The following SYT12 variants were observed in gnomAD, a reference collection of about 807,000 sequenced individuals.
The protein encoded by SYT12 is synaptotagmin 12.
In SYT12, 27 loss-of-function variants were observed where a neutral mutation model predicts 39.5. That is an observed-to-expected ratio of 0.68 (90% CI 0.50 to 0.94). The LOEUF (loss-of-function observed/expected upper bound fraction) is 0.94, where lower values mean the gene tolerates loss of function less well. Among genes scored for constraint, SYT12 ranks in the 40% least tolerant of loss-of-function variants. The probability of loss-of-function intolerance (pLI) is 0.00; values close to 1 mark genes in which losing one functional copy is unlikely to be tolerated. For missense variants in SYT12, 536 were observed against 572.6 expected (o/e 0.94, Z 0.65); for synonymous variants, 233 against 239.7 (o/e 0.97, Z 0.26).
chr11:67,037,694 A>T (rs200635730), intron 3 of SYT12, among the ~76,000 whole-genome samples: 2 of 152,002 alleles, frequency 1.3e-5, no homozygotes, highest in Non-Finnish European at 2.9e-5. Context: ...CAGCCTGACC[A>T]ACATGGAGAA....
chr11:67,036,946 G>A (rs1255569493), intron 3 of SYT12, among the ~76,000 whole-genome samples: 2 of 152,212 alleles, frequency 1.3e-5, no homozygotes, highest in Admixed American at 6.5e-5. Flanking sequence ...GGTGGCGCAT[G>A]CCTGTAATCC....
At chr11:67,047,057 TG>T (rs1854575896) in intron 7 of SYT12, among the ~76,000 whole-genome samples, 1 of 151,030 alleles carries the variant, frequency 6.6e-6, no homozygotes, top group African/African-American at 2.4e-5. Context: ...CTCCGCCTCC[TG>T]GGTTCAAATG....
Position 67,049,011 on chromosome 11 carries a change from C to T in SYT12, c.*254C>T. 2 of 407,558 alleles carry T rather than the reference C, an allele frequency of 4.9e-6. No homozygotes were observed. The highest frequency in any genetic ancestry group is 4.4e-6 in the Non-Finnish European group (1 of 226,594). 25.2% of individuals were successfully genotyped at this position (407,558 alleles called of 1,614,324 possible). ...CCAGGACAGAGGACTCAACCCTGCT[C>T]CTCCCGGTAGGCCAGCTGCCGAGCT... On this transcript the variant is annotated 3_prime_UTR_variant, in exon 8 of 8. Coordinates refer to ENST00000527043, the MANE Select transcript of SYT12 (RefSeq NM_177963.4).
chr11:67,035,790 TTTCCTTCC>T (rs1172307451), intron 3 of SYT12, among the ~76,000 whole-genome samples: 9 of 73,224 alleles, frequency 1.2e-4, no homozygotes, highest in African/African-American at 4.8e-4. Context: ...TTTTCTTTTC[TTTCCTTCC>T]TTCCTTCCTT....
intron 2 of SYT12, chr11:67,032,203 T>A: frequency 6.6e-6 from 1 of 152,220 alleles, no homozygotes; most frequent in Non-Finnish European, 1.5e-5. Flanking sequence ...CAGAAATGTG[T>A]CTCTGCATTG....
At chr11:67,038,093 A>G (rs74782510) in intron 3 of SYT12, among the ~76,000 whole-genome samples, 4,163 of 151,660 alleles carry the variant, frequency 0.027, 188 homozygotes, top group African/African-American at 0.089. Context: ...TGCTTATGGA[A>G]TAAAAGGTTC....
intron 2 of SYT12, among the ~76,000 whole-genome samples, chr11:67,010,607 AC>A (rs1170325181): frequency 6.6e-6 from 1 of 151,836 alleles, no homozygotes; most frequent in African/African-American, 2.4e-5. Context: ...ACCTGCCACC[AC>A]CTCCAAATGC....
At chr11:67,039,697 A>G (rs1591372043) in intron 3 of SYT12, 114 bp from the exon 4 acceptor site, 44 of 1,322,866 alleles carry the variant, frequency 3.3e-5, no homozygotes, top group Non-Finnish European at 4.4e-5. Context: ...GCTTCTGTGA[A>G]AGGGGAACTT....
intron 3 of SYT12, among the ~76,000 whole-genome samples, chr11:67,035,417 TCTTA>T (rs1163491994): frequency 2.0e-5 from 3 of 150,650 alleles, no homozygotes; most frequent in Non-Finnish European, 4.4e-5. Context: ...ATATTTTTCT[TCTTA>T]CTTTCTTTTT....
At chr11:67,048,529 A>G in intron 7 of SYT12, 55 bp from the exon 8 acceptor site, 1 of 1,564,194 alleles carries the variant, frequency 6.4e-7, no homozygotes. Context: ...CCCAGAGGCC[A>G]AGAAGTACCT....
intron 3 of SYT12, among the ~76,000 whole-genome samples, chr11:67,013,063 G>A (rs762887096): frequency 5.3e-5 from 8 of 152,166 alleles, no homozygotes; most frequent in Non-Finnish European, 7.3e-5. Flanking sequence ...CCCAGAGTCC[G>A]GAAGGAAAGT....
At chr11:67,015,964 A>G (rs1442244863) in intron 3 of SYT12, among the ~76,000 whole-genome samples, 1 of 152,078 alleles carries the variant, frequency 6.6e-6, no homozygotes, top group Non-Finnish European at 1.5e-5. Flanking sequence ...GGCTCATGCT[A>G]GAGAAAAATA....
At position 67,039,909 on chromosome 11, in the gene SYT12, A is replaced by C. The variant is rs1950468019; in HGVS notation, c.327A>C (p.Glu109Asp). The C allele has an allele frequency of 2.5e-6, 4 of 1,613,702 alleles. No individual in the cohort carries two copies. Among genetic ancestry groups the C allele is most frequent in the Non-Finnish European group, 3.4e-6 (4 of 1,180,034 alleles). Residue 109 changes from glutamate (E) to aspartate (D), a missense_variant, in exon 4 of 8, where the codon GAA (glutamate) becomes GAC (aspartate). Glu to Asp is a conservative substitution (Grantham distance 45). Transcript: ENST00000527043. Reference protein sequence around the residue: ...SIEDTFESISELGPLELMGRE... With the variant: ...SIEDTFESISDLGPLELMGRE... ...AGGACACCTTTGAGAGCATCAGTGA[A>C]CTGGGGCCTCTGGAGCTGATGGGCC...
At chr11:67,026,941 C>G (rs1185719065) in intron 1 of SYT12, 1 of 152,264 alleles carries the variant, frequency 6.6e-6, no homozygotes, top group East Asian at 1.9e-4. Flanking sequence ...TGTGCCAAGC[C>G]TGACTACACG....
At position 67,049,039 on chromosome 11, in the gene SYT12, G is replaced by T; in HGVS notation, c.*282G>T. On this transcript the variant is annotated 3_prime_UTR_variant, in exon 8 of 8. Coordinates refer to ENST00000527043, the MANE Select transcript of SYT12 (RefSeq NM_177963.4). ...CCCGGTAGGCCAGCTGCCGAGCTGG[G>T]CTATGTTCTGGAACCCAGTGAATCT... The T allele has an allele frequency of 2.9e-6, 1 of 345,052 alleles. No individual in the cohort carries two copies. The highest frequency in any genetic ancestry group is 5.4e-6 in the Non-Finnish European group (1 of 184,634). The allele number at this position is 345,052 out of a possible 1,614,324, so 21.4% of individuals were successfully genotyped here.
chr11:67,008,819 G>A (rs1949990838), intron 1 of SYT12, among the ~76,000 whole-genome samples: 1 of 152,206 alleles, frequency 6.6e-6, no homozygotes, highest in African/African-American at 2.4e-5. Context: ...TGGGAGTACA[G>A]GCGTGAGCCA....
chr11:67,033,727 C>A (rs1476213525), intron 2 of SYT12, among the ~76,000 whole-genome samples: 2 of 152,182 alleles, frequency 1.3e-5, no homozygotes, highest in East Asian at 3.8e-4. Flanking sequence ...ACTGTATTTG[C>A]CAGCACTGTG....
intron 3 of SYT12, among the ~76,000 whole-genome samples, chr11:67,016,092 C>T (rs113434067): frequency 0.014 from 2,076 of 152,222 alleles, 59 homozygotes; most frequent in African/African-American, 0.048. Flanking sequence ...ACCAGCCTGA[C>T]CAACATGGTG....
chr11:67,032,970 T>C (rs976834155), intron 2 of SYT12: 1 of 152,120 alleles, frequency 6.6e-6, no homozygotes. Flanking sequence ...GGGTGCTCAG[T>C]GCTGGGAGGG....
Sources: allele counts gnomAD v4.1 joint callset (sites outside exome capture counted in the v4.1 genomes callset), GRCh38; gene constraint gnomAD v4.1.1; transcripts MANE v1.5; gene names NCBI Gene and HGNC (gene_info 2026-07-23, HGNC 2026-07-21).